ADAMTSL1: variants seen among roughly 807,000 people sequenced by gnomAD.
The protein encoded by ADAMTSL1 is ADAMTS-like protein 1.
A neutral mutation model predicts 201.8 loss-of-function variants in ADAMTSL1; 126 were observed. That is an observed-to-expected ratio of 0.62 (90% CI 0.54 to 0.72). The LOEUF (loss-of-function observed/expected upper bound fraction) is 0.72, where lower values mean the gene tolerates loss of function less well. ADAMTSL1 is among the 30% of genes least tolerant of loss of function. The pLI, the probability that ADAMTSL1 is intolerant of heterozygous loss-of-function variation, is 0.00. For missense variants in ADAMTSL1, 2,679 were observed against 2,277.8 expected (o/e 1.18, Z -3.59); for synonymous variants, 1,121 against 903.4 (o/e 1.24, Z -4.32).
intron 2 of ADAMTSL1, among the ~76,000 whole-genome samples, chr9:18,458,101 C>T (rs1484272985): frequency 2.0e-5 from 3 of 151,982 alleles, no homozygotes; most frequent in Non-Finnish European, 2.9e-5. Flanking sequence ...CCTTTTTTTG[C>T]AATTGCATGG....
rs561107004 is a variant in ADAMTSL1, at chr9:18,560,618, C to T, written c.238-13412C>T. ...TCCTCTTTGTACCTCTGGTAGAATT[C>T]GGCTGTGGTCTGGTCCTGGGTTTTT... On this transcript the variant is annotated intron_variant, in intron 3 of 28. Transcript: ENST00000380548. Among the ~76,000 whole-genome samples, 12 of 149,588 alleles carry T rather than the reference C, an allele frequency of 8.0e-5. No homozygotes were observed. In the East Asian group the frequency reaches 1.4e-3, roughly 17 times the overall value.
At chr9:18,089,455 G>T (rs879335623) in intron 1 of ADAMTSL1, among the ~76,000 whole-genome samples, 33 of 151,540 alleles carry the variant, frequency 2.2e-4, no homozygotes, top group East Asian at 1.9e-4. Flanking sequence ...TCACACACTG[G>T]GGCCTGTCGG....
intron 10 of ADAMTSL1, among the ~76,000 whole-genome samples, chr9:18,677,773 C>A (rs1483831665): frequency 6.6e-6 from 1 of 152,006 alleles, no homozygotes; most frequent in Non-Finnish European, 1.5e-5. Flanking sequence ...ACACTCTTGG[C>A]ATGTCTATGT....
At chr9:18,550,199 G>C (rs139773713) in intron 3 of ADAMTSL1, among the ~76,000 whole-genome samples, 5 of 152,012 alleles carry the variant, frequency 3.3e-5, no homozygotes, top group Admixed American at 3.3e-4. Context: ...TCTATGTCCT[G>C]ATCCCTGAAA....
intron 2 of ADAMTSL1, among the ~76,000 whole-genome samples, chr9:18,449,608 C>G (rs79525421): frequency 0.081 from 12,263 of 152,132 alleles, 678 homozygotes; most frequent in Non-Finnish European, 0.12. Flanking sequence ...GTTTCCAATA[C>G]TTTGTAATTG....
Position 18,756,036 on chromosome 9 carries a change from G to T in ADAMTSL1, c.2217+2528G>T, listed in dbSNP as rs62552834. On this transcript the variant is annotated intron_variant, in intron 16 of 28. Coordinates refer to ENST00000380548, the MANE Select transcript of ADAMTSL1 (RefSeq NM_001040272.6). The stretch of plus-strand genomic sequence containing the variant: ...CCCTGTTAATGGTTTGGTGCATAGG[G>T]TCTGTTTGTCTAGCATGGTGAAACC... 2.5e-3 allele frequency among the ~76,000 whole-genome samples: 339 copies of T among 134,862 alleles called. 2 individuals carry two copies. The highest frequency in any genetic ancestry group is 4.0e-3 in the South Asian group (16 of 4,002). 88.5% of individuals were successfully genotyped at this position (134,862 alleles called of 152,430 possible). A position where few individuals can be genotyped will look rare whatever the true frequency, so the allele number is the denominator to read the frequency against.
At chr9:17,968,467 AG>A (rs763041803) in intron 1 of ADAMTSL1, among the ~76,000 whole-genome samples, 26 of 152,238 alleles carry the variant, frequency 1.7e-4, no homozygotes, top group Non-Finnish European at 2.8e-4. Flanking sequence ...TCCTTGGCAA[AG>A]GTGAGGCAGA....
At chr9:18,403,108 T>A (rs556928480) in intron 2 of ADAMTSL1, among the ~76,000 whole-genome samples, 29 of 152,290 alleles carry the variant, frequency 1.9e-4, no homozygotes, top group African/African-American at 6.0e-4. Context: ...TATGTTAAGA[T>A]CAGTCTAAGC....
intron 1 of ADAMTSL1, among the ~76,000 whole-genome samples, chr9:18,495,297 G>A (rs541452809): frequency 5.9e-5 from 9 of 152,128 alleles, no homozygotes; most frequent in African/African-American, 1.2e-4. Flanking sequence ...AAAGCAACGC[G>A]TCCCTCAAAA....
At chr9:18,522,462 T>G (rs1818756835) in intron 2 of ADAMTSL1, among the ~76,000 whole-genome samples, 1 of 152,140 alleles carries the variant, frequency 6.6e-6, no homozygotes, top group Non-Finnish European at 1.5e-5. Context: ...TTATTATACT[T>G]TAAGTTCTAA....
intron 2 of ADAMTSL1, among the ~76,000 whole-genome samples, chr9:18,315,539 C>T (rs1016798404): frequency 6.6e-6 from 1 of 152,124 alleles, no homozygotes; most frequent in African/African-American, 2.4e-5. Context: ...ATGGGTGGGC[C>T]GGCAGTGCTG....
chr9:17,999,129 G>T (rs1256179298), intron 1 of ADAMTSL1, among the ~76,000 whole-genome samples: 1 of 152,010 alleles, frequency 6.6e-6, no homozygotes, highest in African/African-American at 2.4e-5. Flanking sequence ...AGAAAAAATT[G>T]ATAAAAGCAG....
At chr9:18,876,329 TGC>T (rs1491583884) in intron 23 of ADAMTSL1, among the ~76,000 whole-genome samples, 39 of 151,236 alleles carry the variant, frequency 2.6e-4, no homozygotes, top group African/African-American at 5.6e-4. Flanking sequence ...TGTGTGTGTG[TGC>T]GTGATTGTTT....
chr9:17,957,025 C>T (rs1351796361), intron 1 of ADAMTSL1, among the ~76,000 whole-genome samples: 1 of 152,018 alleles, frequency 6.6e-6, no homozygotes, highest in Non-Finnish European at 1.5e-5. Flanking sequence ...TCTCATGATT[C>T]AGGATATATA....
At chr9:18,053,955 T>A (rs1822056199) in intron 1 of ADAMTSL1, among the ~76,000 whole-genome samples, 1 of 152,242 alleles carries the variant, frequency 6.6e-6, no homozygotes, top group African/African-American at 2.4e-5. Context: ...AACGTTTTGA[T>A]GGTGTTAAAA....
intron 13 of ADAMTSL1, 81 bp from the exon 14 acceptor site, chr9:18,706,666 T>G (rs1587942530): frequency 7.1e-7 from 1 of 1,401,690 alleles, no homozygotes. Context: ...TGGAGGCAGG[T>G]GGGATGCAGC....
At position 18,141,499 on chromosome 9, in the gene ADAMTSL1, G is replaced by C. The variant is rs188285971; in HGVS notation, c.88-22363G>C. Among the ~76,000 whole-genome samples, 3 of 152,230 alleles carry C rather than the reference G, an allele frequency of 2.0e-5. No homozygotes were observed. In the East Asian group the frequency reaches 5.8e-4, roughly 29 times the overall value. On this transcript the variant is annotated intron_variant, in intron 1 of 29. Transcript: ENST00000680146. ...GAAACAAACACAAGGCTCATAGTTG[G>C]AGAAATGAGAGCCCCCTCACTCCAG...
intron 4 of ADAMTSL1, among the ~76,000 whole-genome samples, chr9:18,584,123 T>G (rs569914074): frequency 5.4e-4 from 82 of 152,314 alleles, no homozygotes; most frequent in Admixed American, 8.5e-4. Context: ...TGATGTGTTT[T>G]GGCTGTGTCC....
At chr9:18,108,500 G>A (rs753511555) in intron 1 of ADAMTSL1, among the ~76,000 whole-genome samples, 10 of 152,016 alleles carry the variant, frequency 6.6e-5, no homozygotes, top group Non-Finnish European at 1.2e-4. Context: ...GTGCCCAGCC[G>A]AGAATCATGA....
Sources: allele counts gnomAD v4.1 joint callset (sites outside exome capture counted in the v4.1 genomes callset), GRCh38; gene constraint gnomAD v4.1.1; transcripts MANE v1.5; gene names NCBI Gene and HGNC (gene_info 2026-07-23, HGNC 2026-07-21).